Variants in RANBP2 observed in about 807,000 individuals in gnomAD.
RANBP2 encodes E3 SUMO-protein ligase RanBP2.
RANBP2 carries 57 observed loss-of-function variants against 303.6 expected under a neutral mutation model. That is an observed-to-expected ratio of 0.19 (90% confidence interval 0.15 to 0.23). RANBP2 has a LOEUF of 0.23. RANBP2 is among the 10% of genes least tolerant of loss of function. The probability of loss-of-function intolerance (pLI) is 1.00; values close to 1 mark genes in which losing one functional copy is unlikely to be tolerated. For missense variants in RANBP2, 3,138 were observed against 3,780.8 expected (o/e 0.83, Z 4.46); for synonymous variants, 1,167 against 1,301.5 (o/e 0.90, Z 2.23).
the RANBP2 span, among the ~76,000 whole-genome samples, chr2:109,584,885 C>T: frequency 6.6e-6 from 1 of 152,012 alleles, no homozygotes; most frequent in Non-Finnish European, 1.5e-5. Flanking sequence ...GCTACTTTTG[C>T]TGAAATGCAC....
chr2:109,275,424 C>G, the RANBP2 span, among the ~76,000 whole-genome samples: 1 of 152,176 alleles, frequency 6.6e-6, no homozygotes, highest in Non-Finnish European at 1.5e-5. Context: ...ACCCTCCATT[C>G]AGTTGGACCG....
chr2:108,853,994 A>T, the RANBP2 span, among the ~76,000 whole-genome samples: 2 of 10,694 alleles, frequency 1.9e-4, no homozygotes, highest in African/African-American at 3.2e-4. Flanking sequence ...ATATATAATA[A>T]ATTTATATTA....
At chr2:108,943,992 G>A in the RANBP2 span, among the ~76,000 whole-genome samples, 1 of 152,272 alleles carries the variant, frequency 6.6e-6, no homozygotes, top group Admixed American at 6.5e-5. Context: ...GCATGTGGAA[G>A]TGTTTTGAAT....
At chr2:109,419,389 C>G in the RANBP2 span, 6 of 754,030 alleles carry the variant, frequency 8.0e-6, no homozygotes, top group Non-Finnish European at 1.1e-5. Flanking sequence ...CCTCCCATGA[C>G]AGTCCAGGTA....
At chr2:109,731,077 C>T in the RANBP2 span, among the ~76,000 whole-genome samples, 9 of 151,842 alleles carry the variant, frequency 5.9e-5, no homozygotes, top group Non-Finnish European at 1.2e-4. Context: ...TGTGAGCCAC[C>T]GCGCCCGGCC....
At chr2:108,723,372 C>T (rs1255084185) in intron 1 of RANBP2, among the ~76,000 whole-genome samples, 4 of 151,756 alleles carry the variant, frequency 2.6e-5, no homozygotes, top group Non-Finnish European at 4.4e-5. Flanking sequence ...CTCTGCCTCC[C>T]GGGTTCACAC....
chr2:108,910,220 T>C, the RANBP2 span, among the ~76,000 whole-genome samples: 1 of 152,134 alleles, frequency 6.6e-6, no homozygotes, highest in East Asian at 1.9e-4. Flanking sequence ...GCCCAGGGAA[T>C]TTGGCAGGAT....
chr2:109,697,489 A>AG, the RANBP2 span, among the ~76,000 whole-genome samples: 1 of 151,960 alleles, frequency 6.6e-6, no homozygotes, highest in Non-Finnish European at 1.5e-5. Flanking sequence ...CTGTCTTAAA[A>AG]AAAAAAAAAA....
the RANBP2 span, among the ~76,000 whole-genome samples, chr2:109,417,480 C>T: frequency 1.1e-4 from 17 of 152,204 alleles, no homozygotes; most frequent in South Asian, 8.3e-4. Flanking sequence ...TGTTCTCACA[C>T]GGTGCTCAGC....
the RANBP2 span, among the ~76,000 whole-genome samples, chr2:108,941,675 G>T: frequency 6.6e-6 from 1 of 152,182 alleles, no homozygotes; most frequent in East Asian, 1.9e-4. Context: ...TCCAAAAGAT[G>T]GTGTCTTACA....
At chr2:109,107,112 A>G in the RANBP2 span, among the ~76,000 whole-genome samples, 2 of 150,520 alleles carry the variant, frequency 1.3e-5, no homozygotes, top group Admixed American at 1.3e-4. Context: ...TAGTTTTTGT[A>G]TTTTTTTAGT....
At chr2:109,218,920 G>A in the RANBP2 span, among the ~76,000 whole-genome samples, 1 of 152,188 alleles carries the variant, frequency 6.6e-6, no homozygotes, top group African/African-American at 2.4e-5. Context: ...TGAGAGCCCT[G>A]CCTTCCCTGC....
At position 108,769,096 on chromosome 2, in the gene RANBP2, G is replaced by GC. The variant is rs1677314903; in HGVS notation, c.7849+709dup. ...ATTTTATATGTTGTATGTCAGTCTT[G>GC]CTCATGTATTAAATGAGCAAAGAAT... is the stretch of plus-strand genomic sequence containing the variant. On this transcript the variant is annotated intron_variant, in intron 20 of 28. Transcript: ENST00000283195. Among the ~76,000 whole-genome samples, 4 of 152,056 alleles carry GC rather than the reference G, an allele frequency of 2.6e-5. No individual in the cohort carries two copies. In the South Asian group the frequency reaches 8.3e-4, roughly 32 times the overall value.
chr2:109,413,805 T>C, the RANBP2 span, among the ~76,000 whole-genome samples: 1 of 152,198 alleles, frequency 6.6e-6, no homozygotes. Context: ...CAGGGGACTG[T>C]GGGTCCACTG....
the RANBP2 span, among the ~76,000 whole-genome samples, chr2:109,020,482 T>C: frequency 3.9e-5 from 6 of 152,194 alleles, no homozygotes; most frequent in African/African-American, 1.4e-4. Context: ...GAAAACCCTT[T>C]GGAGTTGCAG....
At chr2:109,125,707 T>C in the RANBP2 span, among the ~76,000 whole-genome samples, 211 of 152,388 alleles carry the variant, frequency 1.4e-3, 1 homozygote, top group Non-Finnish European at 2.4e-3. Context: ...TCCCCAGATC[T>C]TTTTAGGAAT....
the RANBP2 span, among the ~76,000 whole-genome samples, chr2:109,325,975 G>A: frequency 6.6e-6 from 1 of 152,226 alleles, no homozygotes; most frequent in Non-Finnish European, 1.5e-5. Flanking sequence ...TAACGTATAT[G>A]TCATGTTTAA....
the RANBP2 span, among the ~76,000 whole-genome samples, chr2:109,668,587 G>A: frequency 2.6e-5 from 4 of 152,320 alleles, no homozygotes; most frequent in Middle Eastern, 3.4e-3. Flanking sequence ...GTGCACATAT[G>A]AGAAATGAAG....
At chr2:108,940,655 G>A in the RANBP2 span, among the ~76,000 whole-genome samples, 1 of 152,232 alleles carries the variant, frequency 6.6e-6, no homozygotes, top group Non-Finnish European at 1.5e-5. Flanking sequence ...GAATAACAAA[G>A]AAGCAGCTTC....
Sources: allele counts gnomAD v4.1 joint callset (sites outside exome capture counted in the v4.1 genomes callset), GRCh38; gene constraint gnomAD v4.1.1; transcripts MANE v1.5; gene names NCBI Gene and HGNC (gene_info 2026-07-23, HGNC 2026-07-21).